Variants in CAMK2D observed in about 807,000 individuals in gnomAD.
CAMK2D encodes the protein calcium/calmodulin-dependent protein kinase type II subunit delta.
A neutral mutation model predicts 84.0 loss-of-function variants in CAMK2D; 37 were observed. The ratio of observed to expected loss-of-function variants is 0.44; its 90% confidence interval spans 0.34 to 0.58. CAMK2D has a LOEUF of 0.58. CAMK2D is among the 20% of genes least tolerant of loss of function. The pLI, the probability that CAMK2D is intolerant of heterozygous loss-of-function variation, is 0.02. For synonymous variants in CAMK2D, 202 were observed against 212.5 expected (o/e 0.95, Z 0.43); for missense variants, 448 against 652.5 (o/e 0.69, Z 3.41).
intron 2 of CAMK2D, among the ~76,000 whole-genome samples, chr4:113,668,072 T>C (rs201435645): frequency 6.6e-6 from 1 of 152,134 alleles, no homozygotes; most frequent in African/African-American, 2.4e-5. Context: ...CTTGATTCTA[T>C]ATGGCCTGGA....
chr4:113,758,584 T>G (rs191121857), intron 2 of CAMK2D, among the ~76,000 whole-genome samples: 1 of 152,282 alleles, frequency 6.6e-6, no homozygotes, highest in East Asian at 1.9e-4. Flanking sequence ...CCCACAATAA[T>G]TGGAATGCCT....
intron 3 of CAMK2D, among the ~76,000 whole-genome samples, chr4:113,628,923 G>A (rs958951833): frequency 6.6e-6 from 1 of 151,986 alleles, no homozygotes; most frequent in Non-Finnish European, 1.5e-5. Flanking sequence ...GCTTCAAGTT[G>A]CCAGTAATAC....
intron 5 of CAMK2D, among the ~76,000 whole-genome samples, chr4:113,550,673 T>C (rs2098620428): frequency 1.3e-5 from 2 of 152,254 alleles, no homozygotes; most frequent in South Asian, 4.1e-4. Flanking sequence ...CCTAGTTTAG[T>C]ACCTTGATTA....
chr4:113,645,357 G>A (rs2099147709), intron 3 of CAMK2D, among the ~76,000 whole-genome samples: 1 of 152,112 alleles, frequency 6.6e-6, no homozygotes, highest in Non-Finnish European at 1.5e-5. Context: ...ATGAAATTCA[G>A]ATTTTAGTGT....
At position 113,622,223 on chromosome 4, in the gene CAMK2D, C is replaced by A. The variant is rs1025706606; in HGVS notation, c.221-13017G>T. Among the ~76,000 whole-genome samples the A allele has an allele frequency of 1.2e-4, 19 of 152,106 alleles. 1 individual carries two copies. Among genetic ancestry groups the A allele is most frequent in the Non-Finnish European group, 2.8e-4 (19 of 68,024 alleles). On this transcript the variant is annotated intron_variant, in intron 3 of 20. Transcript: ENST00000511664. ...ACTTGACTAGTTTAAAATTTGTCAACCCTTCCTATTAATTTTATGTTGAGG... is the reference window on the plus strand; with the variant it reads ...ACTTGACTAGTTTAAAATTTGTCAAACCTTCCTATTAATTTTATGTTGAGG...
At chr4:113,475,489 A>C (rs1220460685) in intron 16 of CAMK2D, among the ~76,000 whole-genome samples, 2 of 152,202 alleles carry the variant, frequency 1.3e-5, no homozygotes, top group Non-Finnish European at 2.9e-5. Context: ...GATCTTTTTA[A>C]AGGTATCTTC....
intron 16 of CAMK2D, among the ~76,000 whole-genome samples, chr4:113,477,989 GA>G (rs1384968865): frequency 6.6e-6 from 1 of 151,992 alleles, no homozygotes; most frequent in African/African-American, 2.4e-5. Flanking sequence ...TCCTTCAAAA[GA>G]TGAACAGTCT....
chr4:113,547,741 G>A, intron 5 of CAMK2D, 25 bp from the exon 6 acceptor site: 1 of 1,490,844 alleles, frequency 6.7e-7, no homozygotes. Flanking sequence ...CAGGGGGCGT[G>A]TGTTAGTTCC....
Position 113,453,219 on chromosome 4 carries a change from A to C in CAMK2D, c.*1326T>G, listed in dbSNP as rs572574060. 3.9e-4 allele frequency: 59 copies of C among 152,344 alleles called. No homozygotes were observed. Among genetic ancestry groups the C allele is most frequent in the African/African-American group, 1.4e-3 (59 of 41,580 alleles). The allele number at this position is 152,344 out of a possible 1,614,324, so 9.4% of individuals were successfully genotyped here. On this transcript the variant is annotated 3_prime_UTR_variant, in exon 21 of 21. Coordinates refer to ENST00000511664, the MANE Select transcript of CAMK2D (RefSeq NM_001321571.2). Reference sequence around the variant, plus strand: ...AGGAAGACAATGATACTCTGATTCAAGAGAGAAGCTAAAAAAGCACAAGTC... The same window carrying C: ...AGGAAGACAATGATACTCTGATTCACGAGAGAAGCTAAAAAAGCACAAGTC...
At chr4:113,738,698 AG>A (rs2099586583) in intron 2 of CAMK2D, among the ~76,000 whole-genome samples, 1 of 152,110 alleles carries the variant, frequency 6.6e-6, no homozygotes, top group African/African-American at 2.4e-5. Context: ...AAATAATATT[AG>A]TATATATTCA....
intron 3 of CAMK2D, among the ~76,000 whole-genome samples, chr4:113,613,266 C>A (rs1199716736): frequency 1.3e-5 from 2 of 152,062 alleles, no homozygotes; most frequent in Non-Finnish European, 2.9e-5. Context: ...TCCAGGTTAA[C>A]AGCAAGTAAT....
intron 4 of CAMK2D, among the ~76,000 whole-genome samples, chr4:113,565,870 T>C (rs946178895): frequency 6.6e-6 from 1 of 152,044 alleles, no homozygotes; most frequent in Admixed American, 6.5e-5. Flanking sequence ...TCTGCTTTCC[T>C]ACAGAATAGA....
At chr4:113,638,585 C>T (rs12510043) in intron 3 of CAMK2D, among the ~76,000 whole-genome samples, 27,877 of 151,896 alleles carry the variant, frequency 0.18, 2,963 homozygotes, top group East Asian at 0.33. Flanking sequence ...ACTTTATAAC[C>T]TTAGCAAAGC....
intron 8 of CAMK2D, among the ~76,000 whole-genome samples, chr4:113,527,159 C>A (rs1196842413): frequency 6.6e-6 from 1 of 152,022 alleles, no homozygotes; most frequent in Non-Finnish European, 1.5e-5. Context: ...CAACAACTAT[C>A]CTGATAAGTC....
intron 16 of CAMK2D, among the ~76,000 whole-genome samples, chr4:113,478,434 T>C (rs553630100): frequency 6.6e-6 from 1 of 152,356 alleles, no homozygotes; most frequent in South Asian, 2.1e-4. Flanking sequence ...TAACTCTTCA[T>C]ATATTTAAAT....
rs117368427 is a variant in CAMK2D, at chr4:113,643,674, G to A, written c.220+18039C>T. ...GTCAGTATCTCCCACGCTTAGCAGC[G>A]GAAACCATCAGACTTTCCTCCCACC... On this transcript the variant is annotated intron_variant, in intron 3 of 20. Coordinates refer to ENST00000511664, the MANE Select transcript of CAMK2D (RefSeq NM_001321571.2). 1.2e-3 allele frequency among the ~76,000 whole-genome samples: 181 copies of A among 152,322 alleles called. 2 individuals are homozygous for A. In the East Asian group the frequency reaches 0.027, roughly 23 times the overall value.
At chr4:113,591,870 C>T (rs1021415330) in intron 4 of CAMK2D, among the ~76,000 whole-genome samples, 1 of 152,154 alleles carries the variant, frequency 6.6e-6, no homozygotes, top group Non-Finnish European at 1.5e-5. Flanking sequence ...TCCCATTCCC[C>T]AGCTCATTAG....
chr4:113,676,706 G>A (rs1402759900), intron 2 of CAMK2D, among the ~76,000 whole-genome samples: 1 of 152,152 alleles, frequency 6.6e-6, no homozygotes, highest in East Asian at 1.9e-4. Flanking sequence ...TATACCAGAA[G>A]GAAAGCAACA....
chr4:113,667,018 T>G (rs567507973), intron 2 of CAMK2D, among the ~76,000 whole-genome samples: 1 of 152,184 alleles, frequency 6.6e-6, no homozygotes, highest in Non-Finnish European at 1.5e-5. Flanking sequence ...TTGAAATTTT[T>G]CACATTTGTT....
Sources: gnomAD v4.1 joint callset for allele counts (sites outside exome capture counted in the v4.1 genomes callset) on GRCh38, gnomAD v4.1.1 for gene constraint, MANE v1.5 for transcripts, NCBI Gene and HGNC (gene_info 2026-07-23, HGNC 2026-07-21) for gene names.